Variants in GALK2 observed in about 807,000 individuals in gnomAD.
The protein encoded by GALK2 is galactokinase 2, also known as N-acetylgalactosamine kinase.
In GALK2, 36 loss-of-function variants were observed where a neutral mutation model predicts 52.4. The observed-to-expected ratio is 0.69, with a 90% CI of 0.53 to 0.91. The LOEUF (loss-of-function observed/expected upper bound fraction) is 0.91. Ranked by LOEUF, GALK2 falls within the 40% of genes least tolerant of loss-of-function variation. The pLI is 0.00. For missense variants in GALK2, 579 were observed against 559.1 expected (o/e 1.04, Z -0.36); for synonymous variants, 176 against 199.1 (o/e 0.88, Z 0.98).
chr15:49,224,276 T>C (rs1162944455), intron 3 of GALK2, among the ~76,000 whole-genome samples: 1 of 152,244 alleles, frequency 6.6e-6, no homozygotes, highest in East Asian at 1.9e-4. Flanking sequence ...GAATATTTTC[T>C]CTCATTTTGT....
intron 9 of GALK2, 144 bp from the exon 10 acceptor site, chr15:49,327,808 T>G (rs2037780888): frequency 1.5e-6 from 1 of 665,086 alleles, no homozygotes; most frequent in South Asian, 2.4e-5. Flanking sequence ...AATGTCTTAA[T>G]GTCCTAAAAT....
chr15:49,190,439 C>CT (rs1308685713), intron 1 of GALK2, among the ~76,000 whole-genome samples: 4 of 152,156 alleles, frequency 2.6e-5, no homozygotes, highest in South Asian at 2.1e-4. Context: ...ACTTTGGATT[C>CT]TTTTTTCTGA....
chr15:49,298,097 C>T (rs1428467670), intron 8 of GALK2, among the ~76,000 whole-genome samples: 1 of 152,026 alleles, frequency 6.6e-6, no homozygotes, highest in Non-Finnish European at 1.5e-5. Flanking sequence ...TTTCTTTCAG[C>T]CATGTTTTGT....
rs576579026 is a variant in GALK2, at chr15:49,233,393, A to G, written c.267-2458A>G. ...CAGGTCCCACCTCCAACACTGGGGA[A>G]TCACAACTTGGCATGAGATTTGGGC... On this transcript the variant is annotated intron_variant, in intron 3 of 9. Coordinates refer to ENST00000560031, the MANE Select transcript of GALK2 (RefSeq NM_002044.4). Among the ~76,000 whole-genome samples the G allele has an allele frequency of 5.9e-5, 9 of 152,350 alleles. No individual in the cohort carries two copies. The South Asian group carries it at 1.9e-3, about 32-fold the overall frequency.
chr15:49,278,465 T>A (rs2032207419), intron 5 of GALK2, among the ~76,000 whole-genome samples: 1 of 152,226 alleles, frequency 6.6e-6, no homozygotes, highest in Non-Finnish European at 1.5e-5. Context: ...TGGCTGCTTT[T>A]TTATGTAAAT....
chr15:49,307,506 A>G (rs1226560659), intron 8 of GALK2, among the ~76,000 whole-genome samples: 3 of 152,192 alleles, frequency 2.0e-5, no homozygotes, highest in Non-Finnish European at 4.4e-5. Flanking sequence ...ACATGGGATG[A>G]TAAGAATCCA....
chr15:49,208,428 C>G (rs1047551508), intron 2 of GALK2, among the ~76,000 whole-genome samples: 4 of 152,178 alleles, frequency 2.6e-5, no homozygotes, highest in Admixed American at 2.6e-4. Context: ...CATTTAGGAG[C>G]AGGTTATTTA....
intron 3 of GALK2, among the ~76,000 whole-genome samples, chr15:49,337,024 G>A (rs957198505): frequency 5.9e-5 from 9 of 152,150 alleles, no homozygotes; most frequent in Non-Finnish European, 1.3e-4. Context: ...ACATGAGTTT[G>A]TCCTTTATTT....
intron 1 of GALK2, among the ~76,000 whole-genome samples, chr15:49,180,348 A>C (rs2085863082): frequency 6.6e-6 from 1 of 152,196 alleles, no homozygotes; most frequent in Non-Finnish European, 1.5e-5. Context: ...TGGGAGTTGT[A>C]CTTATTGCTC....
intron 3 of GALK2, among the ~76,000 whole-genome samples, chr15:49,219,909 T>A (rs989035674): frequency 6.6e-6 from 1 of 152,202 alleles, no homozygotes; most frequent in African/African-American, 2.4e-5. Flanking sequence ...TTCTCATAAA[T>A]GTGTAGTAGC....
chr15:49,261,574 A>G (rs1022312763), intron 5 of GALK2, among the ~76,000 whole-genome samples: 11 of 151,938 alleles, frequency 7.2e-5, no homozygotes, highest in Non-Finnish European at 1.5e-4. Context: ...TCTCCTGCCT[A>G]ATTGCCCTGG....
In GALK2 at chr15:49,254,417, G is replaced by A. The variant is rs558722877; in HGVS notation, c.504+15050G>A. Reference sequence around the variant, plus strand: ...TTATTTCTTCTTCTGATAAAATTATGTTATTGCTTTGTAAAATATAAGCAA... The same window carrying A: ...TTATTTCTTCTTCTGATAAAATTATATTATTGCTTTGTAAAATATAAGCAA... On this transcript the variant is annotated intron_variant, in intron 5 of 9. Transcript: ENST00000560031. Among the ~76,000 whole-genome samples, 28 of 144,254 alleles carry A rather than the reference G, an allele frequency of 1.9e-4. 7 individuals are homozygous for A. The highest frequency in any genetic ancestry group is 3.6e-4 in the Non-Finnish European group (23 of 64,164). 94.6% of individuals were successfully genotyped at this position (144,254 alleles called of 152,430 possible).
intron 5 of GALK2, among the ~76,000 whole-genome samples, chr15:49,267,904 T>C (rs1377441722): frequency 6.6e-6 from 1 of 152,218 alleles, no homozygotes; most frequent in Non-Finnish European, 1.5e-5. Flanking sequence ...TTTTCTGTTA[T>C]AAAACTCTGA....
chr15:49,354,727 T>C (rs1469786461), intron 3 of GALK2, among the ~76,000 whole-genome samples: 1 of 152,112 alleles, frequency 6.6e-6, no homozygotes, highest in African/African-American at 2.4e-5. Flanking sequence ...TCGAACTGGG[T>C]GGAGCCCACC....
intron 2 of GALK2, among the ~76,000 whole-genome samples, chr15:49,213,357 T>A (rs2089091645): frequency 1.3e-5 from 2 of 152,144 alleles, no homozygotes; most frequent in Non-Finnish European, 2.9e-5. Context: ...TTTTAAAAAA[T>A]TTTACTTTAA....
intron 2 of GALK2, among the ~76,000 whole-genome samples, chr15:49,204,459 C>T (rs2088093889): frequency 6.6e-6 from 1 of 151,930 alleles, no homozygotes; most frequent in African/African-American, 2.4e-5. Flanking sequence ...TCTTCCAGTC[C>T]AAGAATGTGG....
chr15:49,271,280 A>G lies in GALK2; in HGVS notation c.505-10707A>G, dbSNP rs1022091410. 5.3e-5 allele frequency among the ~76,000 whole-genome samples: 8 copies of G among 152,020 alleles called. No individual in the cohort carries two copies. The East Asian group carries it at 7.7e-4, about 15-fold the overall frequency. ...TCCTGCCTCCTGTTGGCTTTCCCCA[A>G]CAACTTTTTTTTAGGCAGTTTTTTC... On this transcript the variant is annotated intron_variant, in intron 5 of 9. Transcript: ENST00000560031.
intron 3 of GALK2, among the ~76,000 whole-genome samples, chr15:49,221,622 G>A (rs766434365): frequency 2.4e-4 from 36 of 151,858 alleles, no homozygotes; most frequent in Non-Finnish European, 3.4e-4. Context: ...AGCCGAGATC[G>A]TGACACTGCA....
Position 49,282,061 on chromosome 15 carries a change from A to G in GALK2, c.579A>G (p.Ile193Met), listed in dbSNP as rs577447875. 6.2e-7 allele frequency: 1 copy of G among 1,613,460 alleles called. No homozygotes were observed. Among genetic ancestry groups the G allele is most frequent in the Admixed American group, 1.7e-5 (1 of 60,020 alleles). The change falls in exon 6 of 10, where the codon ATA becomes ATG. Residue 193 changes from isoleucine to methionine, a missense_variant. By Grantham distance (10) the Ile-to-Met change is conservative (BLOSUM62 1). Coordinates refer to ENST00000560031, the MANE Select transcript of GALK2 (RefSeq NM_002044.4). ...GTEGGGMDQSISFLAEEGTAK... is the reference protein window; with the variant it reads ...GTEGGGMDQSMSFLAEEGTAK... ...AAGGAGGAGGCATGGACCAGTCTATATCATTTCTTGCAGAAGAAGGAACTG... is the reference window on the plus strand; with the variant it reads ...AAGGAGGAGGCATGGACCAGTCTATGTCATTTCTTGCAGAAGAAGGAACTG...
Sources: allele counts gnomAD v4.1 joint callset (sites outside exome capture counted in the v4.1 genomes callset), GRCh38; gene constraint gnomAD v4.1.1; transcripts MANE v1.5; gene names NCBI Gene and HGNC (gene_info 2026-07-23, HGNC 2026-07-21).